The following MCM9 variants were observed in gnomAD, a reference collection of about 807,000 sequenced individuals.
MCM9 encodes the protein minichromosome maintenance 9 homologous recombination repair factor, also known as DNA helicase MCM9.
Under a neutral mutation model 72.8 loss-of-function variants are expected in MCM9, and 55 were observed. The observed-to-expected ratio is 0.76, with a 90% confidence interval of 0.61 to 0.95. The LOEUF is 0.95. Ranked by LOEUF, MCM9 falls within the 40% of genes least tolerant of loss-of-function variation. The probability of loss-of-function intolerance (pLI) is 0.00; values close to 1 mark genes in which losing one functional copy is unlikely to be tolerated. For missense variants in MCM9, 1,279 were observed against 1,377.0 expected, an observed-to-expected ratio of 0.93 and a Z score of 1.13; for synonymous variants, 480 against 503.4, an observed-to-expected ratio of 0.95 and a Z score of 0.62.
chr6:118,854,390 G>A (rs373080278), intron 9 of MCM9, among the ~76,000 whole-genome samples: 58 of 152,240 alleles, frequency 3.8e-4, no homozygotes, highest in African/African-American at 1.2e-3. Context: ...TCACTCTGTC[G>A]CCCAGGCTGG....
chr6:118,846,521 C>T (rs1165308822), intron 9 of MCM9, among the ~76,000 whole-genome samples: 2 of 151,652 alleles, frequency 1.3e-5, no homozygotes, highest in Admixed American at 1.3e-4. Context: ...TCATTGACTA[C>T]TGGAGAATAG....
At chr6:118,915,170 G>A (rs983707589) in intron 6 of MCM9, among the ~76,000 whole-genome samples, 8 of 152,198 alleles carry the variant, frequency 5.3e-5, no homozygotes, top group Non-Finnish European at 1.2e-4. Context: ...GGCCAAATGT[G>A]TTGTCTAAGT....
intron 9 of MCM9, among the ~76,000 whole-genome samples, chr6:118,840,619 AT>A (rs200361243): frequency 1.3e-5 from 2 of 151,676 alleles, no homozygotes; most frequent in Non-Finnish European, 2.9e-5. Flanking sequence ...ATTGTTTAGC[AT>A]TTTTTTTAAA....
chr6:118,821,674 C>T (rs1773822252), intron 13 of MCM9, among the ~76,000 whole-genome samples: 1 of 152,134 alleles, frequency 6.6e-6, no homozygotes, highest in African/African-American at 2.4e-5. Context: ...GCTTGTCTTG[C>T]TAAGTTGGGG....
At chr6:118,910,147 A>C (rs1011130502) in intron 8 of MCM9, among the ~76,000 whole-genome samples, 6 of 151,318 alleles carry the variant, frequency 4.0e-5, no homozygotes, top group Non-Finnish European at 7.4e-5. Flanking sequence ...ACTCCATAAC[A>C]AGTTTATATT....
chr6:118,865,712 C>T (rs1777175368), intron 8 of MCM9, among the ~76,000 whole-genome samples: 2 of 152,256 alleles, frequency 1.3e-5, no homozygotes, highest in South Asian at 4.1e-4. Context: ...TCTAGGCCTC[C>T]CCCATTCTAC....
chr6:118,898,449 C>G (rs980089579), intron 8 of MCM9, among the ~76,000 whole-genome samples: 1 of 138,610 alleles, frequency 7.2e-6, no homozygotes, highest in African/African-American at 2.8e-5. Context: ...TTTTTGGAGA[C>G]AATCTCGTTC....
chr6:118,913,052 A>G, intron 7 of MCM9: 1 of 434,722 alleles, frequency 2.3e-6, no homozygotes, highest in Non-Finnish European at 4.1e-6. Flanking sequence ...TGGCATCCTT[A>G]TAGGCTATAG....
chr6:118,879,617 T>C (rs1183921939), intron 8 of MCM9, among the ~76,000 whole-genome samples: 1 of 152,140 alleles, frequency 6.6e-6, no homozygotes, highest in Non-Finnish European at 1.5e-5. Context: ...AGGTAAGTAG[T>C]TGTGATAGAC....
intron 8 of MCM9, among the ~76,000 whole-genome samples, chr6:118,880,232 G>A (rs1168047544): frequency 2.6e-5 from 4 of 151,948 alleles, no homozygotes; most frequent in Non-Finnish European, 5.9e-5. Context: ...CTATGGAAGA[G>A]GAATTAGATA....
intron 9 of MCM9, among the ~76,000 whole-genome samples, chr6:118,836,825 CGT>C (rs1246934840): frequency 6.6e-6 from 1 of 151,992 alleles, no homozygotes; most frequent in Non-Finnish European, 1.5e-5. Flanking sequence ...AAGGGTTTTT[CGT>C]GTCTCTACCT....
intron 13 of MCM9, among the ~76,000 whole-genome samples, chr6:118,824,506 A>T (rs1252925661): frequency 6.6e-6 from 1 of 151,998 alleles, no homozygotes; most frequent in Non-Finnish European, 1.5e-5. Context: ...ACAGTGTTTC[A>T]CCATGTTGGC....
intron 8 of MCM9, among the ~76,000 whole-genome samples, chr6:118,893,298 C>T (rs1009084851): frequency 3.9e-5 from 6 of 152,176 alleles, no homozygotes; most frequent in Non-Finnish European, 7.3e-5. Context: ...GATCAAATGT[C>T]TTGCTATGTC....
chr6:118,920,115 CAATT>C (rs1298942197), intron 5 of MCM9: 1 of 152,142 alleles, frequency 6.6e-6, no homozygotes, highest in Non-Finnish European at 1.5e-5. Flanking sequence ...ATCTTATTCT[CAATT>C]GATGGATATT....
intron 8 of MCM9, among the ~76,000 whole-genome samples, chr6:118,863,089 T>G (rs1448418825): frequency 6.6e-6 from 1 of 152,206 alleles, no homozygotes; most frequent in Non-Finnish European, 1.5e-5. Flanking sequence ...ATAAAAACTT[T>G]TATTTTCTTA....
At chr6:118,880,913 A>G (rs147180060) in intron 8 of MCM9, among the ~76,000 whole-genome samples, 6 of 152,354 alleles carry the variant, frequency 3.9e-5, no homozygotes, top group South Asian at 2.1e-4. Context: ...TGCATGCCTG[A>G]AAGTGTGGCT....
intron 8 of MCM9, among the ~76,000 whole-genome samples, chr6:118,876,739 A>G (rs553928815): frequency 6.6e-6 from 1 of 152,344 alleles, no homozygotes; most frequent in South Asian, 2.1e-4. Context: ...ACGTATTTGC[A>G]AATCCTTTAT....
At chr6:118,923,783 T>G (rs1781635180) in intron 4 of MCM9, 28 bp downstream of exon 4, 1 of 1,595,726 alleles carries the variant, frequency 6.3e-7, no homozygotes, top group Non-Finnish European at 8.6e-7. Flanking sequence ...TCTTCAAATT[T>G]ATTTATCTCG....
chr6:118,827,643 A>C (rs1054199360), intron 11 of MCM9, among the ~76,000 whole-genome samples: 1 of 152,196 alleles, frequency 6.6e-6, no homozygotes, highest in Non-Finnish European at 1.5e-5. Flanking sequence ...GAGAAACAAA[A>C]TATCAGAAGT....
Sources: gnomAD v4.1 joint callset for allele counts (sites outside exome capture counted in the v4.1 genomes callset) on GRCh38, gnomAD v4.1.1 for gene constraint, MANE v1.5 for transcripts, NCBI Gene and HGNC (gene_info 2026-07-23, HGNC 2026-07-21) for gene names.